The following DIO1 variants were observed in gnomAD, a reference collection of about 807,000 sequenced individuals.
DIO1 encodes type I iodothyronine deiodinase.
A neutral mutation model predicts 25.9 loss-of-function variants in DIO1; 17 were observed. The ratio of observed to expected loss-of-function variants is 0.66; its 90% CI spans 0.45 to 0.98. DIO1 has a LOEUF of 0.98. DIO1 is among the 50% of genes least tolerant of loss of function. The pLI is 0.00. For synonymous variants in DIO1, 115 were observed against 114.0 expected (o/e 1.01, Z -0.05); for missense variants, 270 against 310.4 (o/e 0.87, Z 0.98).
chr1:53,909,151 C>A (rs1370346781), intron 3 of DIO1, among the ~76,000 whole-genome samples: 1 of 149,808 alleles, frequency 6.7e-6, no homozygotes, highest in African/African-American at 2.5e-5. Flanking sequence ...CGTGGTGGCT[C>A]ATACCTGTAA....
intron 1 of DIO1, among the ~76,000 whole-genome samples, chr1:53,895,872 C>T (rs1388086793): frequency 6.6e-6 from 1 of 152,216 alleles, no homozygotes; most frequent in Admixed American, 6.5e-5. Context: ...CCCTCTCCAT[C>T]GTCGTCTATA....
chr1:53,908,081 G>T (rs1012590981), intron 3 of DIO1, among the ~76,000 whole-genome samples: 3 of 151,878 alleles, frequency 2.0e-5, no homozygotes, highest in Admixed American at 6.6e-5. Flanking sequence ...AATTAGCCAG[G>T]CATGGTGGCA....
chr1:53,908,236 A>G (rs189320878), intron 3 of DIO1, among the ~76,000 whole-genome samples: 2 of 152,284 alleles, frequency 1.3e-5, no homozygotes, highest in East Asian at 1.9e-4. Context: ...AAAAAAAGAA[A>G]AAAAGAAAAT....
rs12039511 is a variant in DIO1, at chr1:53,910,054, G to T, written c.*55G>T. ...CAACGGGAGGGCTTCTCAAGGCTTAGCTCTCCCTGAGACCCAGCTGGCTTT... is the reference window on the plus strand; with the variant it reads ...CAACGGGAGGGCTTCTCAAGGCTTATCTCTCCCTGAGACCCAGCTGGCTTT... On this transcript the variant is annotated 3_prime_UTR_variant, in exon 4 of 4. Transcript: ENST00000361921. 2.0e-6 allele frequency: 3 copies of T among 1,514,826 alleles called. No individual in the cohort carries two copies. The allele number at this position is 1,514,826 out of a possible 1,614,324, so 93.8% of individuals were successfully genotyped here.
At chr1:53,904,316 A>G (rs973624323) in intron 1 of DIO1, among the ~76,000 whole-genome samples, 4 of 152,190 alleles carry the variant, frequency 2.6e-5, no homozygotes, top group Admixed American at 2.0e-4. Context: ...GGGGGGAAAA[A>G]ATGACCAACC....
rs542085210 is a variant in DIO1, at chr1:53,909,959, C to T, written c.710C>T (p.Pro237Leu). ...AAATCTGGCCCTTGGAACTACAACC[C>T]AGAGGAAGTTCGTGCTGTTCTGGAA... Reference protein sequence around the residue: ...KGKSGPWNYNPEEVRAVLEKL... With the variant: ...KGKSGPWNYNLEEVRAVLEKL... The change falls in exon 4 of 4, where the codon CCA becomes CTA. Residue 237 changes from proline (P) to leucine (L), a missense_variant. Pro to Leu is a moderately conservative substitution (Grantham distance 98, BLOSUM62 -3). Coordinates refer to ENST00000361921, the MANE Select transcript of DIO1 (RefSeq NM_000792.7). 2 of 1,614,176 alleles carry T rather than the reference C, an allele frequency of 1.2e-6. No homozygotes were observed. Among genetic ancestry groups the T allele is most frequent in the Non-Finnish European group, 1.7e-6 (2 of 1,180,030 alleles).
intron 1 of DIO1, among the ~76,000 whole-genome samples, chr1:53,900,561 G>A (rs140591470): frequency 7.2e-5 from 11 of 152,250 alleles, no homozygotes; most frequent in Admixed American, 3.3e-4. Context: ...CTGAGATCAC[G>A]TTTTTGCACT....
rs141192817 is a variant in DIO1 at position 53,900,248 on chromosome 1, C to G, written c.338-4418C>G. Reference sequence around the variant, plus strand: ...GCTCAGTTATAACAAATGCATGGGACCTATGGCCTGTGTGTATTCCGTTTT... The same window carrying G: ...GCTCAGTTATAACAAATGCATGGGAGCTATGGCCTGTGTGTATTCCGTTTT... On this transcript the variant is annotated intron_variant, in intron 1 of 3. Transcript: ENST00000361921. 3.7e-3 allele frequency among the ~76,000 whole-genome samples: 570 copies of G among 152,304 alleles called. 6 individuals carry two copies. Among genetic ancestry groups the G allele is most frequent in the African/African-American group, 0.013 (530 of 41,546 alleles).
intron 1 of DIO1, among the ~76,000 whole-genome samples, chr1:53,901,349 T>C (rs1425791950): frequency 1.3e-5 from 2 of 152,162 alleles, no homozygotes. Flanking sequence ...TAAAGGAACA[T>C]ACTGGAAAGG....
At chr1:53,905,909 G>A (rs1651631151) in intron 2 of DIO1, among the ~76,000 whole-genome samples, 186 bp from the exon 3 acceptor site, 1 of 152,208 alleles carries the variant, frequency 6.6e-6, no homozygotes, top group Non-Finnish European at 1.5e-5. Context: ...CAGAAGCCCT[G>A]GGCTTCAGTT....
intron 1 of DIO1, among the ~76,000 whole-genome samples, chr1:53,897,469 C>G (rs1651137190): frequency 6.6e-6 from 1 of 151,008 alleles, no homozygotes; most frequent in African/African-American, 2.4e-5. Context: ...CAGCGAGACT[C>G]TGTCTTAAAA....
At chr1:53,902,619 T>TAAATGTATGGTAAGGGCTCA (rs1277646840) in intron 1 of DIO1, among the ~76,000 whole-genome samples, 1 of 151,698 alleles carries the variant, frequency 6.6e-6, no homozygotes, top group South Asian at 2.1e-4. Context: ...CATGCTCCAA[T>TAAATGTATGGTAAGGGCTCA]AAATGTATGG....
At chr1:53,897,085 A>G (rs1370921481) in intron 1 of DIO1, among the ~76,000 whole-genome samples, 1 of 152,264 alleles carries the variant, frequency 6.6e-6, no homozygotes, top group Non-Finnish European at 1.5e-5. Flanking sequence ...TCTGCAGTTC[A>G]GTTCCCTGAA....
intron 2 of DIO1, among the ~76,000 whole-genome samples, chr1:53,905,287 G>C (rs1180924835): frequency 7.0e-6 from 1 of 143,718 alleles, no homozygotes; most frequent in Non-Finnish European, 1.5e-5. Flanking sequence ...CGATCCTCCT[G>C]TCTCAGCCTT....
chr1:53,908,311 T>A (rs1484451342), intron 3 of DIO1, among the ~76,000 whole-genome samples: 1 of 152,152 alleles, frequency 6.6e-6, no homozygotes, highest in Non-Finnish European at 1.5e-5. Context: ...GTAAGACTAT[T>A]ACAGTGTCCC....
At chr1:53,905,825 A>C (rs967042422) in intron 2 of DIO1, among the ~76,000 whole-genome samples, 1 of 152,194 alleles carries the variant, frequency 6.6e-6, no homozygotes, top group South Asian at 2.1e-4. Context: ...TCCCCAAATG[A>C]TTCATGCACA....
At chr1:53,900,791 C>G (rs1307241500) in intron 1 of DIO1, among the ~76,000 whole-genome samples, 1 of 152,004 alleles carries the variant, frequency 6.6e-6, no homozygotes, top group Non-Finnish European at 1.5e-5. Context: ...CTGCCCCACA[C>G]TAGCTAGCCC....
At position 53,910,382 on chromosome 1, in the gene DIO1, C is replaced by A. The variant is rs1285502427; in HGVS notation, c.*383C>A. On this transcript the variant is annotated 3_prime_UTR_variant, in exon 4 of 4. Transcript: ENST00000361921. ...GGTACGGTATCTCTCTCCAGCCACTCTGATACCAAGTAATTCAAGCTGGCA... is the reference window on the plus strand; with the variant it reads ...GGTACGGTATCTCTCTCCAGCCACTATGATACCAAGTAATTCAAGCTGGCA... 5.5e-6 allele frequency: 1 copy of A among 180,842 alleles called. No individual in the cohort carries two copies. The highest frequency in any genetic ancestry group is 5.5e-5 in the Admixed American group (1 of 18,068). 11.2% of individuals were successfully genotyped at this position (180,842 alleles called of 1,614,324 possible).
chr1:53,894,443 G>T lies in DIO1; in HGVS notation c.233G>T (p.Arg78Leu), dbSNP rs779400511. The T allele has an allele frequency of 6.2e-7, 1 of 1,614,204 alleles. No individual in the cohort carries two copies. Among genetic ancestry groups the T allele is most frequent in the African/African-American group, 1.3e-5 (1 of 75,044 alleles). ...TQYFWFVLKV[R>L]WQRLEDTTEL... Reference sequence around the variant, plus strand: ...TATTTCTGGTTCGTCTTGAAGGTCCGTTGGCAGCGACTAGAGGACACGACT... The same window carrying T: ...TATTTCTGGTTCGTCTTGAAGGTCCTTTGGCAGCGACTAGAGGACACGACT... The change falls in exon 1 of 4, where the codon CGT (arginine) becomes CTT (leucine). Residue 78 changes from arginine to leucine, a missense_variant. Coordinates refer to ENST00000361921, the MANE Select transcript of DIO1 (RefSeq NM_000792.7). This position sits in a 1 kb window ranked among gnomAD's most constrained non-coding sequence, Gnocchi z 4.9.
Sources: gnomAD v4.1 joint callset for allele counts (sites outside exome capture counted in the v4.1 genomes callset) on GRCh38, gnomAD v4.1.1 for gene constraint, Gnocchi (gnomAD v3.1) non-coding constraint, MANE v1.5 for transcripts, NCBI Gene and HGNC (gene_info 2026-07-23, HGNC 2026-07-21) for gene names.